The following STRBP variants were observed in gnomAD, a reference collection of about 807,000 sequenced individuals.
The protein encoded by STRBP is spermatid perinuclear RNA binding protein.
STRBP carries 13 observed loss-of-function variants against 80.1 expected under a neutral mutation model. That is an observed-to-expected ratio of 0.16 (90% confidence interval 0.11 to 0.26). STRBP has a LOEUF of 0.26. Among genes scored for constraint, STRBP ranks in the 10% least tolerant of loss-of-function variants. The pLI is 1.00. For synonymous variants in STRBP, 284 were observed against 291.2 expected (o/e 0.98, Z 0.25); for missense variants, 485 against 815.2 (o/e 0.59, Z 4.93).
Position 123,147,004 on chromosome 9 carries a change from G to T in STRBP, c.1189C>A (p.Gln397Lys). ...DLMNALMRLN[Q>K]IRPGLQYKLL... is the part of the protein sequence containing the mutation. ...TTATACTGAAGCCCAGGCCTGATCT[G>T]ATTTAGCCTCATTAGTGCATTCATA... The change falls in exon 13 of 19, where the codon CAG becomes AAG. Residue 397 changes from glutamine (Q) to lysine (K), a missense_variant. Gln to Lys is a moderately conservative substitution (Grantham distance 53). Coordinates refer to ENST00000348403, the MANE Select transcript of STRBP (RefSeq NM_018387.5). 6.2e-7 allele frequency: 1 copy of T among 1,613,994 alleles called. No individual in the cohort carries two copies. Among genetic ancestry groups the T allele is most frequent in the African/African-American group, 1.3e-5 (1 of 75,020 alleles).
At chr9:123,135,958 A>G (rs2036336655) in intron 16 of STRBP, 83 bp downstream of exon 16, 10 of 1,545,252 alleles carry the variant, frequency 6.5e-6, no homozygotes, top group South Asian at 3.7e-5. Flanking sequence ...AGAAAAAGCT[A>G]AAGTGCCACA....
chr9:123,116,791 G>A (rs1441668712), downstream of STRBP, among the ~76,000 whole-genome samples: 4 of 152,134 alleles, frequency 2.6e-5, no homozygotes, highest in African/African-American at 9.7e-5. Context: ...GGTGAGCGCC[G>A]CCACTCACCG....
intron 1 of STRBP, among the ~76,000 whole-genome samples, chr9:123,258,080 T>G (rs187211968): frequency 2.6e-5 from 4 of 152,060 alleles, no homozygotes; most frequent in African/African-American, 9.6e-5. Flanking sequence ...AATTAAAACT[T>G]TAAAAAAATT....
intron 1 of STRBP, among the ~76,000 whole-genome samples, chr9:123,256,539 C>A (rs910131539): frequency 6.6e-6 from 1 of 152,006 alleles, no homozygotes; most frequent in African/African-American, 2.4e-5. Context: ...TAAATAAAAA[C>A]CAAAACGCTT....
intron 2 of STRBP, among the ~76,000 whole-genome samples, chr9:123,234,780 T>C (rs1394627857): frequency 6.6e-6 from 1 of 151,804 alleles, no homozygotes; most frequent in African/African-American, 2.4e-5. Context: ...GCCAAGATGG[T>C]AAAACCCTAC....
chr9:123,179,842 G>C (rs1421451384), intron 3 of STRBP, among the ~76,000 whole-genome samples: 1 of 152,194 alleles, frequency 6.6e-6, no homozygotes, highest in Admixed American at 6.5e-5. Flanking sequence ...TCATCTGCAA[G>C]AATTAGATAC....
chr9:123,137,206 A>C (rs2036392629), intron 14 of STRBP, among the ~76,000 whole-genome samples: 1 of 152,232 alleles, frequency 6.6e-6, no homozygotes, highest in African/African-American at 2.4e-5. Context: ...ATGCAAGAGC[A>C]TGAAGGTGCA....
chr9:123,159,749 G>T (rs2037444121), intron 8 of STRBP, among the ~76,000 whole-genome samples: 1 of 152,136 alleles, frequency 6.6e-6, no homozygotes, highest in African/African-American at 2.4e-5. Flanking sequence ...TTTATAAAAT[G>T]ATCTTTCACG....
chr9:123,153,339 T>C (rs2037143403), intron 11 of STRBP, among the ~76,000 whole-genome samples: 2 of 151,924 alleles, frequency 1.3e-5, no homozygotes, highest in Admixed American at 1.3e-4. Flanking sequence ...TACAGGAGCA[T>C]GCCACCACGC....
chr9:123,178,213 A>G lies in STRBP; in HGVS notation c.224+794T>C, dbSNP rs544396458. ...CTTATCACACTGATTTAAAGTTAAA[A>G]GCTGCAAAAATTCTGTAACCTCTTT... On this transcript the variant is annotated intron_variant, in intron 4 of 18. Transcript: ENST00000348403. Among the ~76,000 whole-genome samples the G allele has an allele frequency of 8.4e-4, 128 of 152,348 alleles. 1 individual carries two copies. The South Asian group carries it at 0.013, about 16-fold the overall frequency.
intron 2 of STRBP, among the ~76,000 whole-genome samples, chr9:123,233,967 A>G (rs781034930): frequency 3.3e-5 from 5 of 152,086 alleles, no homozygotes; most frequent in African/African-American, 9.7e-5. Context: ...TTGGGAGGCC[A>G]AGGCGGGCAG....
In STRBP at chr9:123,125,679, G is replaced by A. The variant is rs373904479; in HGVS notation, c.1943-6C>T. The A allele has an allele frequency of 1.9e-6, 3 of 1,606,818 alleles. No homozygotes were observed. Among genetic ancestry groups the A allele is most frequent in the Admixed American group, 1.7e-5 (1 of 58,542 alleles). ...AACCATTCTCTTGGGTAAACCTACA[G>A]AGAAAAGAAACGGAGAGGACTCCAA... On this transcript the variant is annotated splice_region_variant and splice_polypyrimidine_tract_variant and intron_variant, in intron 18 of 18. Transcript: ENST00000348403.
intron 16 of STRBP, among the ~76,000 whole-genome samples, 184 bp from the exon 17 acceptor site, chr9:123,133,152 T>G (rs2036211747): frequency 6.6e-6 from 1 of 152,204 alleles, no homozygotes; most frequent in Non-Finnish European, 1.5e-5. Context: ...CTTACAGAGA[T>G]GTTAAGAGAA....
intron 2 of STRBP, chr9:123,213,476 G>A (rs1043230761): frequency 6.6e-6 from 1 of 152,172 alleles, no homozygotes; most frequent in East Asian, 1.9e-4. Flanking sequence ...CAAATACTCA[G>A]CTACATCTTT....
intron 2 of STRBP, among the ~76,000 whole-genome samples, chr9:123,202,292 T>C (rs943267543): frequency 6.6e-6 from 1 of 152,232 alleles, no homozygotes; most frequent in East Asian, 1.9e-4. Flanking sequence ...GCTTTTTTCA[T>C]TGTATAATTG....
At chr9:123,233,423 T>C (rs2040454525) in intron 2 of STRBP, among the ~76,000 whole-genome samples, 1 of 152,204 alleles carries the variant, frequency 6.6e-6, no homozygotes, top group South Asian at 2.1e-4. Flanking sequence ...AGTATCAAAC[T>C]CCAGCTAATT....
intron 2 of STRBP, among the ~76,000 whole-genome samples, chr9:123,196,312 G>A (rs2039088539): frequency 6.6e-6 from 1 of 152,090 alleles, no homozygotes; most frequent in Non-Finnish European, 1.5e-5. Context: ...CATTGGACTG[G>A]GCAATGCTGT....
intron 1 of STRBP, among the ~76,000 whole-genome samples, chr9:123,263,299 T>C (rs749977163): frequency 6.6e-6 from 1 of 152,118 alleles, no homozygotes; most frequent in Non-Finnish European, 1.5e-5. Context: ...GGAGGATCGC[T>C]TGAGCCCAGA....
chr9:123,219,238 C>T (rs2039997063), intron 2 of STRBP, among the ~76,000 whole-genome samples: 1 of 152,204 alleles, frequency 6.6e-6, no homozygotes, highest in African/African-American at 2.4e-5. Context: ...ACCAAATCAA[C>T]CTTGCTGCCA....
Sources: gnomAD v4.1 joint callset for allele counts (sites outside exome capture counted in the v4.1 genomes callset) on GRCh38, gnomAD v4.1.1 for gene constraint, MANE v1.5 for transcripts, NCBI Gene and HGNC (gene_info 2026-07-23, HGNC 2026-07-21) for gene names.